HTR2A: variants seen among roughly 807,000 people sequenced by gnomAD.
HTR2A encodes the protein 5-hydroxytryptamine receptor 2A.
A neutral mutation model predicts 31.0 loss-of-function variants in HTR2A; 14 were observed. That is an observed-to-expected ratio of 0.45 (90% CI 0.30 to 0.71). The LOEUF (loss-of-function observed/expected upper bound fraction) is 0.71. HTR2A is among the 30% of genes least tolerant of loss of function. The pLI, the probability that HTR2A is intolerant of heterozygous loss-of-function variation, is 0.09. For missense variants in HTR2A, 442 were observed against 573.3 expected (o/e 0.77, Z 2.34); for synonymous variants, 209 against 225.2 (o/e 0.93, Z 0.64).
chr13:46,839,674 T>TTC (rs1950584016), intron 3 of HTR2A, among the ~76,000 whole-genome samples: 1 of 152,202 alleles, frequency 6.6e-6, no homozygotes, highest in South Asian at 2.1e-4. Flanking sequence ...CAGTCAAAAT[T>TTC]CACTATCAGT....
Position 46,896,686 on chromosome 13 carries a change from G to C in HTR2A, c.-341C>G. 1 of 1,529,602 alleles carries C rather than the reference G, an allele frequency of 6.5e-7. No homozygotes were observed. 94.8% of individuals were successfully genotyped at this position (1,529,602 alleles called of 1,614,324 possible). Reference sequence around the variant, plus strand: ...CATGAGAACTTACATTTGTCTTCAGGGTCCACACATGAGATACATTTGTTA... The same window carrying C: ...CATGAGAACTTACATTTGTCTTCAGCGTCCACACATGAGATACATTTGTTA... On this transcript the variant is annotated 5_prime_UTR_variant, in exon 1 of 4. Transcript: ENST00000542664.
At chr13:46,847,220 G>T (rs894061095) in intron 3 of HTR2A, among the ~76,000 whole-genome samples, 1 of 152,192 alleles carries the variant, frequency 6.6e-6, no homozygotes, top group Admixed American at 6.5e-5. Context: ...GGCAGTGAGC[G>T]GGGGTGCCTC....
intron 3 of HTR2A, among the ~76,000 whole-genome samples, chr13:46,877,937 T>C (rs1198641850): frequency 2.0e-5 from 3 of 151,870 alleles, no homozygotes; most frequent in Non-Finnish European, 2.9e-5. Flanking sequence ...ATGAGAATGA[T>C]GGGAAATTTA....
chr13:46,881,907 A>G (rs1950967346), intron 3 of HTR2A, among the ~76,000 whole-genome samples: 1 of 152,116 alleles, frequency 6.6e-6, no homozygotes, highest in Non-Finnish European at 1.5e-5. Context: ...TTTTTTTTCC[A>G]GAAGATACGG....
intron 3 of HTR2A, among the ~76,000 whole-genome samples, chr13:46,865,304 A>C (rs1950810526): frequency 6.6e-6 from 1 of 152,238 alleles, no homozygotes. Flanking sequence ...GCTGAGAAAG[A>C]CTGCAAGTGA....
At chr13:46,872,795 A>G (rs1047776797) in intron 3 of HTR2A, among the ~76,000 whole-genome samples, 8 of 152,342 alleles carry the variant, frequency 5.3e-5, no homozygotes, top group African/African-American at 1.9e-4. Flanking sequence ...TAGTGTAGGC[A>G]GTGCTTCTCA....
chr13:46,882,086 CA>C (rs578163507), intron 3 of HTR2A, among the ~76,000 whole-genome samples: 12 of 151,632 alleles, frequency 7.9e-5, no homozygotes, highest in African/African-American at 2.7e-4. Flanking sequence ...AAAATAAGAC[CA>C]AAAAAAGTGC....
intron 3 of HTR2A, among the ~76,000 whole-genome samples, chr13:46,883,723 C>T (rs1021926281): frequency 3.4e-4 from 52 of 152,098 alleles, no homozygotes; most frequent in African/African-American, 1.3e-3. Context: ...TACTGCTGAT[C>T]ATGGGAAGTA....
rs1264306261 is a variant in HTR2A at position 46,895,528 on chromosome 13, C to T, written c.379G>A (p.Val127Ile). 1 of 1,614,074 alleles carries T rather than the reference C, an allele frequency of 6.2e-7. No homozygotes were observed. The change falls in exon 2 of 4, where the codon GTC (valine) becomes ATC (isoleucine). Residue 127 changes from valine to isoleucine, a missense_variant. Around this residue, in one of 5 missense-constraint regions of HTR2A, gnomAD observed 86 missense variants for 179.1 expected, o/e 0.48. Coordinates refer to ENST00000542664, the MANE Select transcript of HTR2A (RefSeq NM_000621.5). The surrounding 1 kb of genome is among the most constrained non-coding windows in gnomAD (Gnocchi z 4.4). Reference protein sequence around the residue: ...AIADMLLGFLVMPVSMLTILY... With the variant: ...AIADMLLGFLIMPVSMLTILY... ...ATGGTTAACATGGACACGGGCATGA[C>T]AAGGAAACCCAGCAGCATATCAGCT...
chr13:46,879,116 C>T (rs1175134603), intron 3 of HTR2A, among the ~76,000 whole-genome samples: 1 of 152,138 alleles, frequency 6.6e-6, no homozygotes, highest in Non-Finnish European at 1.5e-5. Flanking sequence ...GGGCATTCTC[C>T]AAGGGCTGAA....
At chr13:46,880,511 A>G (rs541599737) in intron 3 of HTR2A, among the ~76,000 whole-genome samples, 3 of 152,330 alleles carry the variant, frequency 2.0e-5, no homozygotes, top group Non-Finnish European at 2.9e-5. Flanking sequence ...TTCATAGTCC[A>G]TAAGCCAGGC....
chr13:46,880,892 T>C lies in HTR2A; in HGVS notation c.613+11498A>G, dbSNP rs541383314. Among the ~76,000 whole-genome samples, 3 of 152,124 alleles carry C rather than the reference T, an allele frequency of 2.0e-5. 1 individual carries two copies. The highest frequency in any genetic ancestry group is 7.2e-5 in the African/African-American group (3 of 41,514). On this transcript the variant is annotated intron_variant, in intron 3 of 3. Transcript: ENST00000542664. ...CTCTTTCTTTCTTATGACCTGATCG[T>C]TTCTTAATTATTCTCACCAGTTTCC...
intron 3 of HTR2A, among the ~76,000 whole-genome samples, chr13:46,869,344 T>C (rs975750586): frequency 3.3e-5 from 5 of 152,160 alleles, no homozygotes; most frequent in East Asian, 1.9e-4. Flanking sequence ...TCAACGTCAG[T>C]AGTCATTAGG....
At chr13:46,845,839 A>G (rs753114283) in intron 3 of HTR2A, among the ~76,000 whole-genome samples, 1 of 152,210 alleles carries the variant, frequency 6.6e-6, no homozygotes, top group South Asian at 2.1e-4. Context: ...ATCTTATCAT[A>G]GTCATGCACC....
At chr13:46,870,733 T>C (rs148417140) in intron 3 of HTR2A, among the ~76,000 whole-genome samples, 1 of 152,338 alleles carries the variant, frequency 6.6e-6, no homozygotes, top group East Asian at 1.9e-4. Context: ...TGCAGATTTG[T>C]TATGTCTAAA....
At chr13:46,837,451 C>G (rs2138339495) in intron 3 of HTR2A, among the ~76,000 whole-genome samples, 1 of 152,266 alleles carries the variant, frequency 6.6e-6, no homozygotes, top group South Asian at 2.1e-4. Flanking sequence ...GCAGGGACAG[C>G]CTGGGAGAAA....
chr13:46,875,601 T>C (rs183581076), intron 3 of HTR2A, among the ~76,000 whole-genome samples: 1 of 152,308 alleles, frequency 6.6e-6, no homozygotes, highest in East Asian at 1.9e-4. Flanking sequence ...AAAGCTATTA[T>C]AGACCCTTAA....
At chr13:46,861,360 T>C (rs546624823) in intron 3 of HTR2A, among the ~76,000 whole-genome samples, 2 of 152,350 alleles carry the variant, frequency 1.3e-5, no homozygotes, top group Non-Finnish European at 2.9e-5. Context: ...GTAAACATTT[T>C]ACTTCCCTTA....
Position 46,835,057 on chromosome 13 carries a change from T to C in HTR2A, c.1196A>G (p.Tyr399Cys). Residue 399 changes from tyrosine (Y) to cysteine (C), a missense_variant, in exon 4 of 4, where the codon TAC becomes TGC. This residue lies in a region of HTR2A where 88 missense variants were observed against 83.1 expected (regional missense o/e 1.06). Transcript: ENST00000542664. ...SAFSRYIQCQ[Y>C]KENKKPLQLI... ...CTGCAATGGTTTTTTGTTTTCCTTGTACTGACACTGAATATACCGTGAAAA... is the reference window on the plus strand; with the variant it reads ...CTGCAATGGTTTTTTGTTTTCCTTGCACTGACACTGAATATACCGTGAAAA... The C allele has an allele frequency of 6.2e-6, 10 of 1,614,144 alleles. No individual in the cohort carries two copies. The highest frequency in any genetic ancestry group is 8.5e-6 in the Non-Finnish European group (10 of 1,179,998).
Sources: allele counts gnomAD v4.1 joint callset (sites outside exome capture counted in the v4.1 genomes callset), GRCh38; gene constraint gnomAD v4.1.1; regional missense constraint gnomAD v4.1.1; non-coding constraint Gnocchi (gnomAD v3.1); transcripts MANE v1.5; gene names NCBI Gene and HGNC (gene_info 2026-07-23, HGNC 2026-07-21).